OTUD7A: variants seen among roughly 807,000 people sequenced by gnomAD.
OTUD7A encodes OTU domain-containing protein 7A.
In OTUD7A, 12 loss-of-function variants were observed where a neutral mutation model predicts 65.7. That is an observed-to-expected ratio of 0.18 (90% confidence interval 0.12 to 0.30). The LOEUF (loss-of-function observed/expected upper bound fraction) is 0.30. Among genes scored for constraint, OTUD7A ranks in the 10% least tolerant of loss-of-function variants. OTUD7A has a pLI of 1.00. For missense variants in OTUD7A, 1,148 were observed against 1,304.8 expected (o/e 0.88, Z 1.85); for synonymous variants, 641 against 586.3 (o/e 1.09, Z -1.35).
chr15:31,535,683 T>G (rs568496910), intron 5 of OTUD7A, among the ~76,000 whole-genome samples: 17 of 147,028 alleles, frequency 1.2e-4, no homozygotes, highest in Admixed American at 2.0e-4. Flanking sequence ...TGTTTTTTTT[T>G]TTTTTTTTTT....
intron 1 of OTUD7A, among the ~76,000 whole-genome samples, chr15:31,659,620 CT>C (rs1185459898): frequency 1.4e-5 from 2 of 145,732 alleles, no homozygotes; most frequent in African/African-American, 2.8e-5. Context: ...TCCTTTGCCC[CT>C]GGCTCTGCAG....
intron 1 of OTUD7A, among the ~76,000 whole-genome samples, chr15:31,698,298 C>T (rs1330334151): frequency 2.0e-5 from 3 of 152,176 alleles, no homozygotes; most frequent in African/African-American, 7.2e-5. Flanking sequence ...ATGTTCCTTC[C>T]CTGGTATCAT....
At chr15:31,626,091 A>AT (rs531400377) in intron 3 of OTUD7A, among the ~76,000 whole-genome samples, 131 of 152,258 alleles carry the variant, frequency 8.6e-4, no homozygotes, top group African/African-American at 3.0e-3. Context: ...GTAGTGTTTG[A>AT]TTTTTTTATT....
chr15:31,690,945 A>G (rs1213605544), intron 1 of OTUD7A, among the ~76,000 whole-genome samples: 2 of 152,168 alleles, frequency 1.3e-5, no homozygotes, highest in Non-Finnish European at 2.9e-5. Context: ...GGACTTCATC[A>G]AAATTAAAAA....
chr15:31,620,579 T>C (rs1368770592), intron 3 of OTUD7A, among the ~76,000 whole-genome samples: 1 of 149,600 alleles, frequency 6.7e-6, no homozygotes, highest in Non-Finnish European at 1.5e-5. Context: ...TATTCTCTGA[T>C]GGTAGTTTGT....
chr15:31,557,402 T>C (rs921186401), intron 5 of OTUD7A: 10 of 152,258 alleles, frequency 6.6e-5, no homozygotes, highest in Admixed American at 2.6e-4. Context: ...TGCTGCTCTG[T>C]ATGCAGAGGG....
At chr15:31,616,647 C>T (rs558498565) in intron 3 of OTUD7A, among the ~76,000 whole-genome samples, 3 of 152,170 alleles carry the variant, frequency 2.0e-5, no homozygotes, top group East Asian at 1.9e-4. Flanking sequence ...CAGGCTCAAG[C>T]GATTCTCCTG....
chr15:31,811,843 T>C (rs1223715789), intron 1 of OTUD7A, among the ~76,000 whole-genome samples: 1 of 152,212 alleles, frequency 6.6e-6, no homozygotes, highest in African/African-American at 2.4e-5. Flanking sequence ...GGCAACCTGC[T>C]TTTTCCTATC....
At chr15:31,772,048 C>A (rs1035052042) in intron 1 of OTUD7A, among the ~76,000 whole-genome samples, 1 of 151,772 alleles carries the variant, frequency 6.6e-6, no homozygotes, top group Non-Finnish European at 1.5e-5. Context: ...GTCAGGAGAT[C>A]GAGACCATCC....
intron 1 of OTUD7A, among the ~76,000 whole-genome samples, chr15:31,752,540 A>G (rs1248146070): frequency 2.0e-5 from 3 of 152,172 alleles, no homozygotes; most frequent in East Asian, 3.8e-4. Flanking sequence ...TGAATCTTTT[A>G]TTCATGCATA....
chr15:31,567,554 CA>C (rs1223499683), intron 4 of OTUD7A, among the ~76,000 whole-genome samples: 1 of 152,188 alleles, frequency 6.6e-6, no homozygotes, highest in Non-Finnish European at 1.5e-5. Flanking sequence ...AGAATTCAAG[CA>C]GCCTGAGGAG....
At position 31,667,027 on chromosome 15, in the gene OTUD7A, G is replaced by A. The variant is rs1202537071; in HGVS notation, c.-99-9950C>T. Reference sequence around the variant, plus strand: ...ATACTTTAATTTTCTTATATTTACTGAGGCTCATTTTGAGGCCTATCATAT... The same window carrying A: ...ATACTTTAATTTTCTTATATTTACTAAGGCTCATTTTGAGGCCTATCATAT... On this transcript the variant is annotated intron_variant, in intron 1 of 12. Transcript: ENST00000307050. Among the ~76,000 whole-genome samples, 4 of 152,228 alleles carry A rather than the reference G, an allele frequency of 2.6e-5. No individual in the cohort carries two copies. The East Asian group carries it at 5.8e-4, about 22-fold the overall frequency.
chr15:31,665,096 C>T (rs1892283300), intron 1 of OTUD7A, among the ~76,000 whole-genome samples: 1 of 152,136 alleles, frequency 6.6e-6, no homozygotes. Context: ...TAGTGTGATG[C>T]CTCCAAATTT....
At chr15:31,760,933 T>G (rs965854808) in intron 1 of OTUD7A, among the ~76,000 whole-genome samples, 106 of 152,246 alleles carry the variant, frequency 7.0e-4, no homozygotes, top group African/African-American at 2.5e-3. Context: ...TTTTTGTTTT[T>G]TTGTTTTTTT....
intron 1 of OTUD7A, among the ~76,000 whole-genome samples, chr15:31,657,442 C>G (rs945024138): frequency 6.6e-6 from 1 of 151,894 alleles, no homozygotes; most frequent in Non-Finnish European, 1.5e-5. Context: ...CTGGAAGCTC[C>G]GCCTCCCGGG....
At chr15:31,551,539 T>C (rs1421026327) in intron 5 of OTUD7A, among the ~76,000 whole-genome samples, 4 of 152,324 alleles carry the variant, frequency 2.6e-5, no homozygotes, top group Non-Finnish European at 5.9e-5. Context: ...TTCTGAGCAA[T>C]AGTCCTCTGA....
At chr15:31,653,971 G>A (rs1047098688) in intron 3 of OTUD7A, among the ~76,000 whole-genome samples, 64 of 97,514 alleles carry the variant, frequency 6.6e-4, no homozygotes, top group African/African-American at 2.5e-3. Context: ...TTGTAAGGTG[G>A]GTTAAGCTCA....
chr15:31,832,893 T>C (rs1896970330), intron 1 of OTUD7A, among the ~76,000 whole-genome samples: 1 of 152,232 alleles, frequency 6.6e-6, no homozygotes, highest in Non-Finnish European at 1.5e-5. Flanking sequence ...ACTGCTGCTA[T>C]AAACACGGAT....
In OTUD7A at chr15:31,681,307, C is replaced by G. The variant is rs189119169; in HGVS notation, c.-99-24230G>C. The stretch of plus-strand genomic sequence containing the variant: ...TTTCTACCTGTCTCCATCCATCCAT[C>G]CATCCATGCACCCACCCACCCAGCC... On this transcript the variant is annotated intron_variant, in intron 1 of 12. Transcript: ENST00000307050. 6.6e-5 allele frequency among the ~76,000 whole-genome samples: 10 copies of G among 152,134 alleles called. No individual in the cohort carries two copies. In the East Asian group the frequency reaches 1.2e-3, roughly 18 times the overall value.
Sources: gnomAD v4.1 joint callset for allele counts (sites outside exome capture counted in the v4.1 genomes callset) on GRCh38, gnomAD v4.1.1 for gene constraint, MANE v1.5 for transcripts, NCBI Gene and HGNC (gene_info 2026-07-23, HGNC 2026-07-21) for gene names.